Variants in ANO10 observed in about 807,000 individuals in gnomAD.
ANO10 encodes anoctamin-10.
ANO10 carries 77 observed loss-of-function variants against 74.7 expected under a neutral mutation model. The observed-to-expected ratio is 1.03, with a 90% CI of 0.86 to 1.25. The LOEUF (loss-of-function observed/expected upper bound fraction) is 1.25. Ranked by LOEUF, ANO10 falls within the 50% of genes most tolerant of loss-of-function variation. ANO10 has a pLI of 0.00. For synonymous variants in ANO10, 279 were observed against 284.9 expected (o/e 0.98, Z 0.21); for missense variants, 721 against 778.1 (o/e 0.93, Z 0.87).
intron 11 of ANO10, among the ~76,000 whole-genome samples, chr3:43,450,058 T>C (rs1349835450): frequency 6.6e-6 from 1 of 152,234 alleles, no homozygotes; most frequent in African/African-American, 2.4e-5. Context: ...AATGGTATTA[T>C]GTTTTTAATT....
At position 43,523,571 on chromosome 3, in the gene ANO10, T is replaced by C. The variant is rs558494980; in HGVS notation, c.1797+26149A>G. Among the ~76,000 whole-genome samples, 42 of 152,080 alleles carry C rather than the reference T, an allele frequency of 2.8e-4. No individual in the cohort carries two copies. In the South Asian group the frequency reaches 7.3e-3, roughly 26 times the overall value. On this transcript the variant is annotated intron_variant, in intron 11 of 12. Transcript: ENST00000292246. ...CACAAGGCACTGAGTGGAGAAGAAA[T>C]GGGTTAGATGAAACAACCACCTGGA... is the stretch of plus-strand genomic sequence containing the variant.
chr3:43,468,242 T>C (rs2075710452), intron 11 of ANO10, among the ~76,000 whole-genome samples: 1 of 152,238 alleles, frequency 6.6e-6, no homozygotes, highest in Non-Finnish European at 1.5e-5. Context: ...TGGTCTACTC[T>C]ACAAGTTGGT....
chr3:43,437,162 C>T (rs2093081476), intron 11 of ANO10, among the ~76,000 whole-genome samples: 1 of 152,216 alleles, frequency 6.6e-6, no homozygotes, highest in South Asian at 2.1e-4. Context: ...TGTACATCTA[C>T]TTCTTCTACC....
chr3:43,472,604 C>CAG (rs1243048492), intron 11 of ANO10: 3 of 151,266 alleles, frequency 2.0e-5, no homozygotes, highest in Middle Eastern at 3.2e-3. Context: ...AAAAAAAAGA[C>CAG]AGAGAGAGAG....
chr3:43,488,928 C>G (rs1005601598), intron 11 of ANO10, among the ~76,000 whole-genome samples: 1 of 151,476 alleles, frequency 6.6e-6, no homozygotes, highest in African/African-American at 2.4e-5. Context: ...GCCAAATGTC[C>G]AACAATGATA....
intron 1 of ANO10, chr3:43,691,024 C>A: frequency 6.4e-7 from 1 of 1,562,494 alleles, no homozygotes. Flanking sequence ...GTGGACTCTG[C>A]CGACACCGGA....
In ANO10 at chr3:43,684,434, G is replaced by C. The variant is rs1238671199; in HGVS notation, c.-12+7083C>G. 2.6e-5 allele frequency among the ~76,000 whole-genome samples: 4 copies of C among 152,278 alleles called. No homozygotes were observed. In the East Asian group the frequency reaches 5.8e-4, roughly 22 times the overall value. ...ATCATTAAAAAGTCAGGAAACAACA[G>C]GTGCTAGAGAGGATGTGGAGAAATA... On this transcript the variant is annotated intron_variant, in intron 1 of 3. Transcript: ENST00000413397.
chr3:43,611,726 A>T (rs537911587), intron 1 of ANO10, among the ~76,000 whole-genome samples: 1 of 152,326 alleles, frequency 6.6e-6, no homozygotes, highest in South Asian at 2.1e-4. Flanking sequence ...CTACTAGTAT[A>T]AATAGAATAT....
At chr3:43,675,590 TAC>T (rs1057125666) in intron 1 of ANO10, among the ~76,000 whole-genome samples, 6 of 151,778 alleles carry the variant, frequency 4.0e-5, no homozygotes, top group Non-Finnish European at 2.9e-5. Context: ...GAAAATGATA[TAC>T]AGAGGGCAAA....
intron 9 of ANO10, among the ~76,000 whole-genome samples, chr3:43,557,222 C>T (rs1487996448): frequency 6.6e-6 from 1 of 151,364 alleles, no homozygotes; most frequent in Non-Finnish European, 1.5e-5. Context: ...GGTGACCCCA[C>T]AAAATGGGCA....
At position 43,406,264 on chromosome 3, in the gene ANO10, T is replaced by C. The variant is rs140953617; in HGVS notation, c.1914+26347A>G. ...GTGGGGCTGTATCTTGAGCAGACTG[T>C]ACATCATCCATGCTGAGTCAGAGCC... On this transcript the variant is annotated intron_variant, in intron 12 of 12. Transcript: ENST00000292246. Among the ~76,000 whole-genome samples the C allele has an allele frequency of 3.2e-3, 483 of 152,282 alleles. 4 individuals are homozygous for C. Among genetic ancestry groups the C allele is most frequent in the African/African-American group, 0.011 (459 of 41,546 alleles).
At chr3:43,652,502 T>C (rs2083799118) in intron 1 of ANO10, among the ~76,000 whole-genome samples, 1 of 152,144 alleles carries the variant, frequency 6.6e-6, no homozygotes, top group Non-Finnish European at 1.5e-5. Context: ...ACATGAAAAT[T>C]AGCACAAAAT....
At chr3:43,658,783 T>A (rs1393462612) in intron 1 of ANO10, among the ~76,000 whole-genome samples, 8 of 152,136 alleles carry the variant, frequency 5.3e-5, no homozygotes, top group Non-Finnish European at 1.2e-4. Flanking sequence ...ATGTTCTTTA[T>A]GAATCTTTAT....
At chr3:43,638,889 T>G (rs890386490) in intron 1 of ANO10, 12 of 152,298 alleles carry the variant, frequency 7.9e-5, no homozygotes, top group African/African-American at 2.9e-4. Context: ...GTGGCTTAGC[T>G]GAGTGGTTCT....
At chr3:43,387,700 G>C (rs1395551560) in intron 12 of ANO10, among the ~76,000 whole-genome samples, 1 of 152,190 alleles carries the variant, frequency 6.6e-6, no homozygotes, top group South Asian at 2.1e-4. Context: ...AGGTGTCAAC[G>C]GCTCACTTCC....
At chr3:43,650,540 A>T (rs1298679966) in intron 1 of ANO10, among the ~76,000 whole-genome samples, 1 of 152,232 alleles carries the variant, frequency 6.6e-6, no homozygotes, top group African/African-American at 2.4e-5. Context: ...ACAGAAAAAG[A>T]TGCAATCAGC....
At chr3:43,556,332 G>A (rs2079748144) in intron 9 of ANO10, among the ~76,000 whole-genome samples, 1 of 152,172 alleles carries the variant, frequency 6.6e-6, no homozygotes, top group Non-Finnish European at 1.5e-5. Flanking sequence ...TGTGCAGGCA[G>A]TTTTTCTCAG....
At chr3:43,529,501 T>C (rs752907508) in intron 11 of ANO10, among the ~76,000 whole-genome samples, 3 of 152,148 alleles carry the variant, frequency 2.0e-5, no homozygotes, top group Admixed American at 6.5e-5. Flanking sequence ...ACTGCTATAC[T>C]GAAGAACACG....
chr3:43,602,771 G>A (rs2082394766), intron 2 of ANO10, among the ~76,000 whole-genome samples: 1 of 152,158 alleles, frequency 6.6e-6, no homozygotes, highest in African/African-American at 2.4e-5. Flanking sequence ...GAACTTCTGA[G>A]GGCTTATATG....
Sources: allele counts gnomAD v4.1 joint callset (sites outside exome capture counted in the v4.1 genomes callset), GRCh38; gene constraint gnomAD v4.1.1; transcripts MANE v1.5; gene names NCBI Gene and HGNC (gene_info 2026-07-23, HGNC 2026-07-21).